The following DPP10 variants were observed in gnomAD, a reference collection of about 807,000 sequenced individuals.
The protein encoded by DPP10 is inactive dipeptidyl peptidase 10.
DPP10 carries 33 observed loss-of-function variants against 120.9 expected under a neutral mutation model. The ratio of observed to expected loss-of-function variants is 0.27; its 90% CI spans 0.21 to 0.37. DPP10 has a LOEUF of 0.37. Among genes scored for constraint, DPP10 ranks in the 10% least tolerant of loss-of-function variants. The pLI, the probability that DPP10 is intolerant of heterozygous loss-of-function variation, is 1.00. For synonymous variants in DPP10, 337 were observed against 326.1 expected (o/e 1.03, Z -0.36); for missense variants, 816 against 942.8 (o/e 0.87, Z 1.76).
At chr2:114,710,952 T>C (rs1700988966) in intron 1 of DPP10, among the ~76,000 whole-genome samples, 1 of 152,162 alleles carries the variant, frequency 6.6e-6, no homozygotes, top group Non-Finnish European at 1.5e-5. Context: ...TTTACTTTCT[T>C]TTCAAACCAG....
chr2:115,188,061 A>AGAG (rs2054587109), intron 1 of DPP10, among the ~76,000 whole-genome samples: 1 of 146,980 alleles, frequency 6.8e-6, no homozygotes, highest in Non-Finnish European at 1.5e-5. Context: ...GAGAGAGGCA[A>AGAG]AGAGAGAGAG....
At chr2:115,019,015 G>A (rs868466325) in intron 1 of DPP10, among the ~76,000 whole-genome samples, 9 of 151,644 alleles carry the variant, frequency 5.9e-5, no homozygotes, top group South Asian at 2.1e-4. Context: ...CACCATCACC[G>A]CACCCATCAG....
chr2:114,900,340 A>T (rs1052645959), intron 1 of DPP10, among the ~76,000 whole-genome samples: 2 of 152,216 alleles, frequency 1.3e-5, no homozygotes, highest in Non-Finnish European at 2.9e-5. Flanking sequence ...AGAAGTATAC[A>T]ATTTATATTC....
chr2:114,562,206 C>T (rs1688819307), intron 1 of DPP10, among the ~76,000 whole-genome samples: 1 of 152,194 alleles, frequency 6.6e-6, no homozygotes, highest in African/African-American at 2.4e-5. Flanking sequence ...GCTCACCTTC[C>T]ACTCTATGCT....
Position 114,970,114 on chromosome 2 carries a change from C to G in DPP10, c.61-339125C>G, listed in dbSNP as rs114874346. 9.0e-3 allele frequency among the ~76,000 whole-genome samples: 1,364 copies of G among 152,168 alleles called. 11 individuals carry two copies. The highest frequency in any genetic ancestry group is 0.031 in the African/African-American group (1,279 of 41,516). On this transcript the variant is annotated intron_variant, in intron 1 of 25. Coordinates refer to ENST00000410059, the MANE Select transcript of DPP10 (RefSeq NM_020868.6). ...AAAGGAGAAAAACTGGAAACTTGGACAGCGATCAAGGCAGAGGATGGCCAA... is the reference window on the plus strand; with the variant it reads ...AAAGGAGAAAAACTGGAAACTTGGAGAGCGATCAAGGCAGAGGATGGCCAA...
chr2:115,576,228 G>A (rs191899006), intron 5 of DPP10, among the ~76,000 whole-genome samples: 2 of 152,148 alleles, frequency 1.3e-5, no homozygotes, highest in African/African-American at 4.8e-5. Flanking sequence ...ATGCCTTAAA[G>A]AATATCACAA....
At chr2:115,084,344 A>G (rs937007851) in intron 1 of DPP10, among the ~76,000 whole-genome samples, 3 of 152,238 alleles carry the variant, frequency 2.0e-5, no homozygotes, top group Non-Finnish European at 2.9e-5. Context: ...GCTCAACATT[A>G]TCTGAAAATT....
At chr2:115,458,737 A>G (rs960640603) in intron 3 of DPP10, among the ~76,000 whole-genome samples, 4 of 152,168 alleles carry the variant, frequency 2.6e-5, no homozygotes, top group African/African-American at 9.7e-5. Context: ...AGAGGACTAG[A>G]AAGAAAAATG....
At chr2:114,716,893 T>C (rs1701384237) in intron 1 of DPP10, among the ~76,000 whole-genome samples, 1 of 152,196 alleles carries the variant, frequency 6.6e-6, no homozygotes, top group South Asian at 2.1e-4. Flanking sequence ...TGACCCAATA[T>C]ATTGAAGACA....
At chr2:114,530,847 A>G (rs1180069421) in intron 1 of DPP10, among the ~76,000 whole-genome samples, 1 of 152,168 alleles carries the variant, frequency 6.6e-6, no homozygotes, top group East Asian at 1.9e-4. Context: ...ATATGGTGAC[A>G]AAACAAAACC....
intron 5 of DPP10, among the ~76,000 whole-genome samples, chr2:115,528,737 T>C (rs770323932): frequency 6.6e-6 from 1 of 151,992 alleles, no homozygotes; most frequent in Admixed American, 6.6e-5. Context: ...TTCGGAATTA[T>C]GCCAAGTGAA....
Position 115,678,558 on chromosome 2 carries a change from G to A in DPP10, c.442-11129G>A, listed in dbSNP as rs551421679. ...CCTGGATGTCCAGCAGAAGTCTACT[G>A]CAGGGGTGCAGTCCTCATGGAGAAC... On this transcript the variant is annotated intron_variant, in intron 5 of 25. Transcript: ENST00000410059. 5.3e-5 allele frequency among the ~76,000 whole-genome samples: 8 copies of A among 152,230 alleles called. No homozygotes were observed. The East Asian group carries it at 1.5e-3, about 29-fold the overall frequency.
chr2:114,893,603 A>G (rs1692722358), intron 1 of DPP10, among the ~76,000 whole-genome samples: 1 of 152,198 alleles, frequency 6.6e-6, no homozygotes, highest in African/African-American at 2.4e-5. Flanking sequence ...AACAGATATG[A>G]CAAGGCAGAA....
intron 21 of DPP10, among the ~76,000 whole-genome samples, chr2:115,830,301 T>G (rs905483100): frequency 1.3e-3 from 188 of 147,042 alleles, no homozygotes; most frequent in Non-Finnish European, 2.2e-3. Flanking sequence ...GAGTTTGCAG[T>G]GAGCCCAATT....
intron 1 of DPP10, among the ~76,000 whole-genome samples, chr2:114,750,316 G>C (rs1464878337): frequency 6.6e-6 from 1 of 151,740 alleles, no homozygotes; most frequent in Non-Finnish European, 1.5e-5. Flanking sequence ...TATTTTAGAG[G>C]GGAGGGAACA....
intron 5 of DPP10, among the ~76,000 whole-genome samples, chr2:115,651,854 T>C (rs749685728): frequency 3.3e-5 from 5 of 152,094 alleles, no homozygotes; most frequent in Non-Finnish European, 5.9e-5. Context: ...GTGACATGCT[T>C]AATTCTTCAA....
chr2:115,793,587 T>A (rs1266364027), intron 19 of DPP10, among the ~76,000 whole-genome samples: 1 of 152,062 alleles, frequency 6.6e-6, no homozygotes, highest in Non-Finnish European at 1.5e-5. Context: ...ATGTGTAATT[T>A]AATGCCCATA....
At chr2:114,842,440 C>G (rs1158086608) in intron 1 of DPP10, among the ~76,000 whole-genome samples, 1 of 151,978 alleles carries the variant, frequency 6.6e-6, no homozygotes, top group Admixed American at 6.6e-5. Context: ...AGATGAGTGA[C>G]TAAGTCTATA....
At chr2:114,608,393 A>C (rs1358293064) in intron 1 of DPP10, among the ~76,000 whole-genome samples, 1 of 151,830 alleles carries the variant, frequency 6.6e-6, no homozygotes, top group South Asian at 2.1e-4. Flanking sequence ...TTAGTGTAGA[A>C]GGAGAGGGGT....
Sources: allele counts gnomAD v4.1 joint callset (sites outside exome capture counted in the v4.1 genomes callset), GRCh38; gene constraint gnomAD v4.1.1; transcripts MANE v1.5; gene names NCBI Gene and HGNC (gene_info 2026-07-23, HGNC 2026-07-21).